The following CPED1 variants were observed in gnomAD, a reference collection of about 807,000 sequenced individuals.
CPED1 encodes cadherin-like and PC-esterase domain-containing protein 1.
A neutral mutation model predicts 128.2 loss-of-function variants in CPED1; 114 were observed. The observed-to-expected ratio is 0.89, with a 90% CI of 0.76 to 1.04. CPED1 has a LOEUF of 1.04. CPED1 is among the 50% of genes least tolerant of loss of function. The pLI, the probability that CPED1 is intolerant of heterozygous loss-of-function variation, is 0.00. For missense variants in CPED1, 1,211 were observed against 1,207.1 expected, an observed-to-expected ratio of 1.00 and a Z score of -0.05; for synonymous variants, 462 against 426.7, an observed-to-expected ratio of 1.08 and a Z score of -1.02.
chr7:121,295,202 CTG>C (rs774710742), intron 22 of CPED1, among the ~76,000 whole-genome samples: 2 of 150,342 alleles, frequency 1.3e-5, no homozygotes, highest in Non-Finnish European at 2.9e-5. Context: ...TCATCTGAGA[CTG>C]TTCCTTAGTT....
chr7:121,135,083 A>G (rs1795756614), intron 13 of CPED1, among the ~76,000 whole-genome samples: 1 of 152,042 alleles, frequency 6.6e-6, no homozygotes, highest in Non-Finnish European at 1.5e-5. Flanking sequence ...TTTATGATCT[A>G]TTGTTAAACC....
intron 7 of CPED1, 134 bp from the exon 8 acceptor site, chr7:121,124,196 CT>C: frequency 1.7e-6 from 1 of 581,538 alleles, no homozygotes; most frequent in African/African-American, 1.9e-5. Context: ...ACCAAACTTA[CT>C]GATTAGGTGA....
At chr7:121,143,916 G>T (rs957618105) in intron 16 of CPED1, among the ~76,000 whole-genome samples, 14 of 151,830 alleles carry the variant, frequency 9.2e-5, no homozygotes, top group African/African-American at 2.9e-4. Context: ...AATTCAGTAA[G>T]AAAGGAAACA....
chr7:121,141,160 T>A (rs556431649), intron 15 of CPED1, 147 bp downstream of exon 15: 50 of 554,894 alleles, frequency 9.0e-5, no homozygotes, highest in African/African-American at 3.4e-4. Context: ...TCATTTTTTT[T>A]AAAAAAGATT....
intron 2 of CPED1, among the ~76,000 whole-genome samples, chr7:121,002,422 T>C (rs1791884831): frequency 6.6e-6 from 1 of 152,192 alleles, no homozygotes; most frequent in African/African-American, 2.4e-5. Context: ...GAAGTGATTT[T>C]GAATGTTTCC....
At chr7:121,160,372 A>G (rs1176052792) in intron 16 of CPED1, among the ~76,000 whole-genome samples, 2 of 152,154 alleles carry the variant, frequency 1.3e-5, no homozygotes, top group African/African-American at 4.8e-5. Flanking sequence ...TTTGGCTGCA[A>G]GAGAGATATG....
At chr7:121,131,710 A>C (rs1251883368) in intron 12 of CPED1, among the ~76,000 whole-genome samples, 2 of 152,006 alleles carry the variant, frequency 1.3e-5, no homozygotes, top group Non-Finnish European at 2.9e-5. Context: ...TTTTTGAGTC[A>C]TAGAGACTAT....
chr7:121,161,734 A>C (rs1201463390), intron 16 of CPED1, among the ~76,000 whole-genome samples: 1 of 152,224 alleles, frequency 6.6e-6, no homozygotes, highest in Admixed American at 6.5e-5. Flanking sequence ...GATCAAAATG[A>C]GAATAAAGTT....
chr7:121,126,915 T>A (rs1795517298), intron 9 of CPED1, among the ~76,000 whole-genome samples, 175 bp from the exon 10 acceptor site: 1 of 152,004 alleles, frequency 6.6e-6, no homozygotes, highest in Non-Finnish European at 1.5e-5. Flanking sequence ...TATCTTTAAA[T>A]TGTATCTTTA....
intron 9 of CPED1, among the ~76,000 whole-genome samples, chr7:121,126,583 T>C (rs1470291838): frequency 6.6e-6 from 1 of 152,138 alleles, no homozygotes; most frequent in Non-Finnish European, 1.5e-5. Flanking sequence ...AATATAGCTT[T>C]GTATAACATT....
At chr7:121,104,688 T>C (rs1395603718) in intron 7 of CPED1, among the ~76,000 whole-genome samples, 1 of 152,154 alleles carries the variant, frequency 6.6e-6, no homozygotes, top group Non-Finnish European at 1.5e-5. Context: ...CTATTCCATA[T>C]TTGACATCAG....
At position 121,229,118 on chromosome 7, in the gene CPED1, A is replaced by T. The variant is rs767866060; in HGVS notation, c.2056-7596A>T. ...AACAAAAATGTATTATACTCAGATG[A>T]TGGACAACTTAAATACCCTTACTTG... On this transcript the variant is annotated intron_variant, in intron 16 of 22. Transcript: ENST00000310396. 2.0e-5 allele frequency among the ~76,000 whole-genome samples: 3 copies of T among 152,048 alleles called. No individual in the cohort carries two copies. The South Asian group carries it at 6.2e-4, about 31-fold the overall frequency.
At chr7:121,262,050 C>G in intron 18 of CPED1, 1 of 288,368 alleles carries the variant, frequency 3.5e-6, no homozygotes, top group Non-Finnish European at 6.6e-6. Context: ...GGTGCCTTCC[C>G]CACAGTAATT....
At chr7:121,244,394 A>C in intron 18 of CPED1, 56 bp downstream of exon 18, 2 of 1,595,958 alleles carry the variant, frequency 1.3e-6, no homozygotes, top group East Asian at 2.2e-5. Flanking sequence ...GAAGTACTAA[A>C]AATCGTATAG....
At chr7:121,112,792 G>T (rs1393406090) in intron 7 of CPED1, among the ~76,000 whole-genome samples, 2 of 152,178 alleles carry the variant, frequency 1.3e-5, no homozygotes, top group Admixed American at 6.5e-5. Context: ...CTGCGAAGGG[G>T]TGTGCATACT....
Position 121,295,639 on chromosome 7 carries a change from A to G in CPED1, c.3068A>G (p.Lys1023Arg). The G allele has an allele frequency of 6.2e-7, 1 of 1,613,850 alleles. No individual in the cohort carries two copies. The highest frequency in any genetic ancestry group is 8.5e-7 in the Non-Finnish European group (1 of 1,179,798). ...EILLSRMCANKRTM is the reference protein window; with the variant it reads ...EILLSRMCANRRTM ...CTTCTCAGCAGGATGTGTGCAAATA[A>G]AAGGACTATGTAGGCTCCCTGCAGG... The change falls in exon 23 of 23, where the codon AAA becomes AGA. Residue 1023 changes from lysine (K) to arginine (R), a missense_variant. Coordinates refer to ENST00000310396, the MANE Select transcript of CPED1 (RefSeq NM_024913.5).
chr7:121,060,834 A>G (rs1365506262), intron 4 of CPED1, among the ~76,000 whole-genome samples: 4 of 152,236 alleles, frequency 2.6e-5, no homozygotes, highest in Non-Finnish European at 5.9e-5. Flanking sequence ...TGCGCTTTGC[A>G]ATAAATCTTG....
At chr7:121,244,152 A>T (rs776296135) in intron 17 of CPED1, 50 bp from the exon 18 acceptor site, 2 of 1,612,882 alleles carry the variant, frequency 1.2e-6, no homozygotes, top group South Asian at 2.2e-5. Context: ...GTTACTTACA[A>T]ACTTCACCAG....
chr7:121,187,424 A>C (rs1797027642), intron 16 of CPED1, among the ~76,000 whole-genome samples: 1 of 152,204 alleles, frequency 6.6e-6, no homozygotes, highest in Non-Finnish European at 1.5e-5. Context: ...CAGAAAGACC[A>C]GTGTGGTAAG....
Sources: gnomAD v4.1 joint callset for allele counts (sites outside exome capture counted in the v4.1 genomes callset) on GRCh38, gnomAD v4.1.1 for gene constraint, MANE v1.5 for transcripts, NCBI Gene and HGNC (gene_info 2026-07-23, HGNC 2026-07-21) for gene names.